The following GPR158 variants were observed in gnomAD, a reference collection of about 807,000 sequenced individuals.
The protein encoded by GPR158 is G protein-coupled receptor 158.
A neutral mutation model predicts 78.2 loss-of-function variants in GPR158; 30 were observed. The observed-to-expected ratio is 0.38, with a 90% CI of 0.29 to 0.52. GPR158 has a LOEUF of 0.52. GPR158 is among the 20% of genes least tolerant of loss of function. GPR158 has a pLI of 0.83. For synonymous variants in GPR158, 581 were observed against 591.1 expected, an observed-to-expected ratio of 0.98 and a Z score of 0.25; for missense variants, 1,463 against 1,523.5, an observed-to-expected ratio of 0.96 and a Z score of 0.66.
chr10:25,369,891 C>G (rs1407617329), intron 2 of GPR158, among the ~76,000 whole-genome samples: 10 of 151,964 alleles, frequency 6.6e-5, no homozygotes, highest in South Asian at 6.2e-4. Context: ...CTGGTTTAGT[C>G]TTGGGAGAGT....
intron 5 of GPR158, among the ~76,000 whole-genome samples, chr10:25,478,228 C>T (rs146768312): frequency 6.6e-6 from 1 of 152,222 alleles, no homozygotes; most frequent in East Asian, 1.9e-4. Flanking sequence ...GGAATCTTGG[C>T]TTTAGTTTGT....
intron 2 of GPR158, among the ~76,000 whole-genome samples, chr10:25,339,563 A>C (rs868427093): frequency 1.4e-4 from 22 of 152,108 alleles, no homozygotes; most frequent in African/African-American, 5.3e-4. Flanking sequence ...TGATACAAAG[A>C]TAACAGACAT....
At chr10:25,378,089 G>C (rs573704568) in intron 2 of GPR158, among the ~76,000 whole-genome samples, 26 of 152,152 alleles carry the variant, frequency 1.7e-4, no homozygotes, top group African/African-American at 6.3e-4. Context: ...TCTCATAGTG[G>C]TTCCTGGTTA....
intron 1 of GPR158, among the ~76,000 whole-genome samples, chr10:25,205,070 C>G (rs940588178): frequency 1.3e-5 from 2 of 152,108 alleles, no homozygotes; most frequent in Admixed American, 6.5e-5. Flanking sequence ...TTCTCATTCT[C>G]TCTCTTGCCT....
chr10:25,251,885 C>G (rs1588759051), intron 2 of GPR158, among the ~76,000 whole-genome samples: 1 of 151,974 alleles, frequency 6.6e-6, no homozygotes, highest in East Asian at 1.9e-4. Flanking sequence ...GGGAAGTTCT[C>G]CTGGATAATA....
chr10:25,182,857 G>C (rs192812837), intron 1 of GPR158, among the ~76,000 whole-genome samples: 70 of 152,278 alleles, frequency 4.6e-4, no homozygotes, highest in African/African-American at 1.4e-3. Context: ...GTGCTGATTT[G>C]GTGTTCAAAG....
chr10:25,555,657 C>G (rs1479451256), intron 6 of GPR158, among the ~76,000 whole-genome samples: 1 of 152,082 alleles, frequency 6.6e-6, no homozygotes, highest in Non-Finnish European at 1.5e-5. Context: ...GATTTAAAAA[C>G]TTAATGCTGA....
chr10:25,580,636 TA>T (rs1378558888), intron 7 of GPR158, among the ~76,000 whole-genome samples: 1 of 152,222 alleles, frequency 6.6e-6, no homozygotes, highest in Admixed American at 6.5e-5. Context: ...TAACGTTCTT[TA>T]GATTCATTAC....
chr10:25,596,606 G>A, intron 9 of GPR158, 37 bp from the exon 10 acceptor site: 1 of 1,560,772 alleles, frequency 6.4e-7, no homozygotes, highest in Non-Finnish European at 8.8e-7. Flanking sequence ...GCGTTACAGT[G>A]AGCTAATGTC....
chr10:25,246,923 G>C (rs1006342743), intron 2 of GPR158, among the ~76,000 whole-genome samples: 1 of 152,164 alleles, frequency 6.6e-6, no homozygotes, highest in Non-Finnish European at 1.5e-5. Flanking sequence ...TTATTAACAG[G>C]TATTGAAGAG....
intron 5 of GPR158, among the ~76,000 whole-genome samples, chr10:25,532,939 A>G (rs959734631): frequency 3.9e-5 from 6 of 151,986 alleles, no homozygotes; most frequent in Non-Finnish European, 7.4e-5. Flanking sequence ...TTAACAATTT[A>G]TCTTAAAGGT....
At chr10:25,539,568 T>C (rs1836546828) in intron 5 of GPR158, among the ~76,000 whole-genome samples, 1 of 151,744 alleles carries the variant, frequency 6.6e-6, no homozygotes, top group Non-Finnish European at 1.5e-5. Flanking sequence ...ATGGGAATTT[T>C]GGAGAGGATG....
chr10:25,176,388 G>C lies in GPR158; in HGVS notation c.902+66G>C. The C allele has an allele frequency of 3.2e-6, 4 of 1,256,834 alleles. No homozygotes were observed. Among genetic ancestry groups the C allele is most frequent in the Non-Finnish European group, 4.4e-6 (4 of 915,538 alleles). The allele number at this position is 1,256,834 out of a possible 1,614,324, so 77.9% of individuals were successfully genotyped here. A position where few individuals can be genotyped will look rare whatever the true frequency, so the allele number is the denominator to read the frequency against. On this transcript the variant is annotated intron_variant, in intron 1 of 10. Transcript: ENST00000376351. This position sits in a 1 kb window ranked among gnomAD's most constrained non-coding sequence, Gnocchi z 6.3. Reference sequence around the variant, plus strand: ...GCTTTCCTTCCGGTCTTGTGGGTGGGTGCACGTGTGAGGAAGGAACCCTTG... The same window carrying C: ...GCTTTCCTTCCGGTCTTGTGGGTGGCTGCACGTGTGAGGAAGGAACCCTTG...
chr10:25,249,420 C>A (rs1283822987), intron 2 of GPR158, among the ~76,000 whole-genome samples: 1 of 151,918 alleles, frequency 6.6e-6, no homozygotes, highest in Non-Finnish European at 1.5e-5. Context: ...CCAGTTTTTG[C>A]CCATTCAGTA....
At chr10:25,361,423 C>T (rs535628804) in intron 2 of GPR158, among the ~76,000 whole-genome samples, 1 of 151,826 alleles carries the variant, frequency 6.6e-6, no homozygotes, top group Non-Finnish European at 1.5e-5. Flanking sequence ...CTCAGAGATC[C>T]TGCTTTCAAT....
intron 5 of GPR158, among the ~76,000 whole-genome samples, chr10:25,485,296 G>T (rs1835721325): frequency 6.6e-6 from 1 of 151,558 alleles, no homozygotes; most frequent in African/African-American, 2.4e-5. Flanking sequence ...AGTGTCAAGG[G>T]CTACATAATG....
intron 7 of GPR158, among the ~76,000 whole-genome samples, chr10:25,584,612 C>A (rs1372907580): frequency 6.6e-6 from 1 of 152,186 alleles, no homozygotes; most frequent in African/African-American, 2.4e-5. Flanking sequence ...TTTCATAATG[C>A]AGCTACGTGT....
At chr10:25,206,779 TA>T (rs1348347812) in intron 1 of GPR158, among the ~76,000 whole-genome samples, 7 of 152,016 alleles carry the variant, frequency 4.6e-5, no homozygotes, top group African/African-American at 1.7e-4. Context: ...GATGGTTAAA[TA>T]ATTTACTTGC....
At chr10:25,594,544 C>G (rs922883854) in intron 9 of GPR158, 147 bp downstream of exon 9, 6 of 475,070 alleles carry the variant, frequency 1.3e-5, no homozygotes, top group African/African-American at 1.0e-4. Context: ...TGGCTGTTTT[C>G]TCTTTGAATT....
Sources: gnomAD v4.1 joint callset for allele counts (sites outside exome capture counted in the v4.1 genomes callset) on GRCh38, gnomAD v4.1.1 for gene constraint, Gnocchi (gnomAD v3.1) non-coding constraint, MANE v1.5 for transcripts, NCBI Gene and HGNC (gene_info 2026-07-23, HGNC 2026-07-21) for gene names.